The following ABAT variants were observed in gnomAD, a reference collection of about 807,000 sequenced individuals.
ABAT encodes the protein 4-aminobutyrate aminotransferase, mitochondrial.
Under a neutral mutation model 64.6 loss-of-function variants are expected in ABAT, and 45 were observed. The observed-to-expected ratio is 0.70, with a 90% CI of 0.55 to 0.89. ABAT has a LOEUF of 0.89. ABAT is among the 40% of genes least tolerant of loss of function. The pLI, the probability that ABAT is intolerant of heterozygous loss-of-function variation, is 0.00. For synonymous variants in ABAT, 297 were observed against 250.5 expected, an observed-to-expected ratio of 1.19 and a Z score of -1.75; for missense variants, 633 against 658.4, an observed-to-expected ratio of 0.96 and a Z score of 0.42.
At chr16:8,721,660 A>G (rs996323956) in intron 1 of ABAT, among the ~76,000 whole-genome samples, 1 of 152,206 alleles carries the variant, frequency 6.6e-6, no homozygotes, top group Non-Finnish European at 1.5e-5. Context: ...CAGTAAGTAA[A>G]TAAATGGGAG....
Position 8,710,694 on chromosome 16 carries a change from CAGAGAG to C in ABAT, c.-41-24974_-41-24969del, listed in dbSNP as rs558327984. 1.7e-3 allele frequency among the ~76,000 whole-genome samples: 205 copies of C among 121,996 alleles called. 4 individuals carry two copies. Among genetic ancestry groups the C allele is most frequent in the Admixed American group, 2.1e-3 (23 of 10,950 alleles). 80.0% of individuals were successfully genotyped at this position (121,996 alleles called of 152,430 possible). ...GGTTAAGGCTGCACTGAGAGAGAGACAGAGAGAGAGAGAGAGAGAGAGAGAGAGAGA... is the reference window on the plus strand; with the variant it reads ...GGTTAAGGCTGCACTGAGAGAGAGACAGAGAGAGAGAGAGAGAGAGAGAGA... On this transcript the variant is annotated intron_variant, in intron 1 of 15. Transcript: ENST00000268251.
chr16:8,735,760 C>G lies in ABAT; in HGVS notation c.21C>G (p.Ala7=). ...GGGTCATGGCCTCCATGTTGCTCGC[C>G]CAGCGCCTGGCCTGCAGCTTCCAGC... The part of the protein sequence containing the change: MASMLL[A]QRLACSFQHS... The change falls in exon 2 of 16, where the codon GCC becomes GCG. Residue 7 remains alanine, a synonymous_variant. Transcript: ENST00000268251. 1.2e-6 allele frequency: 2 copies of G among 1,607,018 alleles called. No homozygotes were observed. Among genetic ancestry groups the G allele is most frequent in the Non-Finnish European group, 8.5e-7 (1 of 1,176,994 alleles).
chr16:8,718,598 CCAGGT>C (rs1369044665), intron 1 of ABAT, among the ~76,000 whole-genome samples: 1 of 152,204 alleles, frequency 6.6e-6, no homozygotes, highest in Non-Finnish European at 1.5e-5. Flanking sequence ...AGGGCACCCT[CCAGGT>C]ACATGCTTCC....
intron 1 of ABAT, among the ~76,000 whole-genome samples, chr16:8,730,198 G>A (rs2058678867): frequency 6.6e-6 from 1 of 152,184 alleles, no homozygotes; most frequent in African/African-American, 2.4e-5. Flanking sequence ...GATGCTTAGA[G>A]GGTAAGGACG....
At chr16:8,708,937 A>C (rs2058010308) in intron 1 of ABAT, among the ~76,000 whole-genome samples, 1 of 152,194 alleles carries the variant, frequency 6.6e-6, no homozygotes, top group Non-Finnish European at 1.5e-5. Flanking sequence ...CTTTAGGTGT[A>C]TGTCAGTCCC....
intron 1 of ABAT, among the ~76,000 whole-genome samples, chr16:8,726,910 T>C (rs1009774862): frequency 6.6e-6 from 1 of 152,226 alleles, no homozygotes; most frequent in East Asian, 1.9e-4. Context: ...GACAGCTCTT[T>C]GTAGTTTTGA....
At position 8,709,396 on chromosome 16, in the gene ABAT, T is replaced by C. The variant is rs559262164; in HGVS notation, c.-41-26303T>C. Among the ~76,000 whole-genome samples, 5 of 151,030 alleles carry C rather than the reference T, an allele frequency of 3.3e-5. No individual in the cohort carries two copies. The East Asian group carries it at 9.7e-4, about 29-fold the overall frequency. On this transcript the variant is annotated intron_variant, in intron 1 of 15. Transcript: ENST00000268251. ...TTTATTTATTTATTTATTTTTGAGA[T>C]GGAGTCTCACTCTGTCGCCCAGGCT...
At position 8,694,178 on chromosome 16, in the gene ABAT, C is replaced by T. The variant is rs1986108; in HGVS notation, c.-42+19467C>T. On this transcript the variant is annotated intron_variant, in intron 1 of 15. Transcript: ENST00000268251. Reference sequence around the variant, plus strand: ...CCGAGTAGCTGGGACTACAGGCGCCCGCCACAATGCCCAGATTTTTTTTTT... The same window carrying T: ...CCGAGTAGCTGGGACTACAGGCGCCTGCCACAATGCCCAGATTTTTTTTTT... Among the ~76,000 whole-genome samples, 340 of 148,822 alleles carry T rather than the reference C, an allele frequency of 2.3e-3. 6 individuals carry two copies. The East Asian group carries it at 0.034, about 15-fold the overall frequency.
At position 8,698,504 on chromosome 16, in the gene ABAT, T is replaced by C. The variant is rs181284297; in HGVS notation, c.-42+23793T>C. The stretch of plus-strand genomic sequence containing the variant: ...ACCTGCCGCCACACCCAGCTAATTC[T>C]TGTATGTTTAGTAGAGATGGGGTTT... On this transcript the variant is annotated intron_variant, in intron 1 of 15. Coordinates refer to ENST00000268251, the MANE Select transcript of ABAT (RefSeq NM_020686.6). Among the ~76,000 whole-genome samples the C allele has an allele frequency of 9.5e-3, 1,440 of 152,266 alleles. 10 individuals are homozygous for C. The highest frequency in any genetic ancestry group is 0.014 in the Non-Finnish European group (938 of 68,008).
intron 1 of ABAT, among the ~76,000 whole-genome samples, chr16:8,730,559 T>C (rs1230630042): frequency 6.6e-6 from 1 of 152,110 alleles, no homozygotes; most frequent in African/African-American, 2.4e-5. Flanking sequence ...GTGGGATCTC[T>C]CTAGGTCTGT....
At chr16:8,680,711 A>G (rs1231191481) in intron 1 of ABAT, among the ~76,000 whole-genome samples, 1 of 152,220 alleles carries the variant, frequency 6.6e-6, no homozygotes, top group African/African-American at 2.4e-5. Flanking sequence ...TACTGGCATG[A>G]GCCACTGCGC....
At chr16:8,706,404 C>CAAAAAAAA (rs56329419) in intron 1 of ABAT, among the ~76,000 whole-genome samples, 1 of 95,084 alleles carries the variant, frequency 1.1e-5, no homozygotes, top group Non-Finnish European at 1.9e-5. Flanking sequence ...GACCCTGTTT[C>CAAAAAAAA]AAAAAAAAAA....
chr16:8,770,041 C>T (rs2060058504), intron 11 of ABAT, among the ~76,000 whole-genome samples: 1 of 152,168 alleles, frequency 6.6e-6, no homozygotes, highest in Non-Finnish European at 1.5e-5. Context: ...AAATATAATG[C>T]AAGCCACATA....
intron 6 of ABAT, among the ~76,000 whole-genome samples, chr16:8,761,617 C>T (rs972337561): frequency 6.6e-6 from 1 of 152,334 alleles, no homozygotes; most frequent in African/African-American, 2.4e-5. Flanking sequence ...ATGAAAAGAG[C>T]ACCCTGACGC....
intron 2 of ABAT, among the ~76,000 whole-genome samples, chr16:8,739,944 A>G (rs1014120286): frequency 2.6e-5 from 4 of 151,458 alleles, no homozygotes; most frequent in African/African-American, 4.9e-5. Context: ...ATGGTTTTTT[A>G]AGAATACTAA....
intron 1 of ABAT, among the ~76,000 whole-genome samples, chr16:8,728,895 C>T (rs753506165): frequency 9.9e-5 from 15 of 152,144 alleles, no homozygotes; most frequent in Non-Finnish European, 1.9e-4. Flanking sequence ...TTTGGTTTCT[C>T]AGTTAATTCA....
chr16:8,700,912 T>TC (rs1355150090), intron 1 of ABAT, among the ~76,000 whole-genome samples: 1 of 66,968 alleles, frequency 1.5e-5, no homozygotes, highest in Non-Finnish European at 2.9e-5. Context: ...GCCTTAATTC[T>TC]TTTTTTTTTT....
At chr16:8,758,842 A>C (rs1308370311) in intron 6 of ABAT, among the ~76,000 whole-genome samples, 1 of 152,180 alleles carries the variant, frequency 6.6e-6, no homozygotes, top group Non-Finnish European at 1.5e-5. Context: ...TCACGCCTGT[A>C]ATCCCAGCAC....
chr16:8,679,089 C>T (rs1341351075), intron 1 of ABAT, among the ~76,000 whole-genome samples: 3 of 152,096 alleles, frequency 2.0e-5, no homozygotes, highest in Non-Finnish European at 2.9e-5. Flanking sequence ...GAGGCTGAGG[C>T]GGCAGAATCA....
Sources: gnomAD v4.1 joint callset for allele counts (sites outside exome capture counted in the v4.1 genomes callset) on GRCh38, gnomAD v4.1.1 for gene constraint, MANE v1.5 for transcripts, NCBI Gene and HGNC (gene_info 2026-07-23, HGNC 2026-07-21) for gene names.